SMYD4: variants seen among roughly 807,000 people sequenced by gnomAD.
The protein encoded by SMYD4 is SET and MYND domain containing 4.
SMYD4 carries 68 observed loss-of-function variants against 72.8 expected under a neutral mutation model. The ratio of observed to expected loss-of-function variants is 0.93; its 90% CI spans 0.77 to 1.14. The LOEUF (loss-of-function observed/expected upper bound fraction) is 1.14, where lower values mean the gene tolerates loss of function less well. Ranked by LOEUF, SMYD4 falls within the 50% of genes most tolerant of loss-of-function variation. SMYD4 has a pLI of 0.00. For synonymous variants in SMYD4, 407 were observed against 388.6 expected (o/e 1.05, Z -0.56); for missense variants, 984 against 1,003.7 (o/e 0.98, Z 0.27).
intron 5 of SMYD4, among the ~76,000 whole-genome samples, chr17:1,799,126 G>C (rs1337566672): frequency 1.3e-5 from 2 of 151,188 alleles, no homozygotes; most frequent in Non-Finnish European, 2.9e-5. Context: ...GGGCGTGGTG[G>C]CGGGCGCCTG....
intron 4 of SMYD4, 182 bp downstream of exon 4, chr17:1,804,444 T>G: frequency 3.9e-6 from 2 of 507,302 alleles, no homozygotes; most frequent in Non-Finnish European, 7.2e-6. Context: ...CCCAAAGTGC[T>G]GAGATTACAG....
intron 5 of SMYD4, among the ~76,000 whole-genome samples, chr17:1,795,143 T>G (rs1272620295): frequency 6.6e-6 from 1 of 152,000 alleles, no homozygotes; most frequent in Non-Finnish European, 1.5e-5. Flanking sequence ...GCTGGAGCAG[T>G]TTACACAGTA....
At chr17:1,794,041 G>GTA (rs200222211) in intron 5 of SMYD4, among the ~76,000 whole-genome samples, 5 of 31,340 alleles carry the variant, frequency 1.6e-4, no homozygotes, top group African/African-American at 2.6e-4. Context: ...ATATATGTAT[G>GTA]TATATATATA....
Position 1,800,714 on chromosome 17 carries a change from T to A in SMYD4, c.680A>T (p.Gln227Leu). 6.2e-7 allele frequency: 1 copy of A among 1,614,206 alleles called. No individual in the cohort carries two copies. The highest frequency in any genetic ancestry group is 8.5e-7 in the Non-Finnish European group (1 of 1,180,034). The part of the protein sequence containing the change: ...EDAALREENE[Q>L]LSNASSSIGL... ...GATGGATGATGAGGCATTGGAAAGT[T>A]GTTCATTCTCCTCCCTCAGCGCTGC... Residue 227 changes from glutamine to leucine, a missense_variant, in exon 5 of 11, where the codon CAA becomes CTA. Physicochemically the swap from Gln to Leu is moderately radical, Grantham distance 113. Transcript: ENST00000305513.
At chr17:1,781,592 G>A (rs963313598) in intron 10 of SMYD4, 153 bp from the exon 11 acceptor site, 10 of 791,902 alleles carry the variant, frequency 1.3e-5, no homozygotes, top group Middle Eastern at 3.2e-4. Context: ...TCACAAACAC[G>A]CTGCAAAACA....
chr17:1,785,052 G>T (rs1289352726), intron 7 of SMYD4, among the ~76,000 whole-genome samples: 4 of 149,622 alleles, frequency 2.7e-5, no homozygotes, highest in African/African-American at 7.4e-5. Context: ...CTCCCAAAGT[G>T]CTGGGATTAC....
intron 8 of SMYD4, among the ~76,000 whole-genome samples, 197 bp downstream of exon 8, chr17:1,784,129 G>C (rs1415057618): frequency 6.6e-6 from 1 of 152,206 alleles, no homozygotes; most frequent in South Asian, 2.1e-4. Context: ...GAAATCACCT[G>C]GCCCCTTTTC....
intron 4 of SMYD4, among the ~76,000 whole-genome samples, chr17:1,801,385 C>A (rs1909742967): frequency 6.6e-6 from 1 of 151,678 alleles, no homozygotes; most frequent in East Asian, 2.0e-4. Context: ...ACTACAGGTG[C>A]CCGCCACCAC....
At chr17:1,786,327 A>G (rs1396413418) in intron 7 of SMYD4, among the ~76,000 whole-genome samples, 2 of 152,192 alleles carry the variant, frequency 1.3e-5, no homozygotes. Context: ...GGTGGACAGA[A>G]AGCCCCTGGA....
intron 4 of SMYD4, among the ~76,000 whole-genome samples, chr17:1,801,389 C>T (rs1412767561): frequency 6.6e-6 from 1 of 151,784 alleles, no homozygotes; most frequent in Admixed American, 6.6e-5. Flanking sequence ...CAGGTGCCCG[C>T]CACCACACCC....
chr17:1,781,203 G>C lies in SMYD4; in HGVS notation c.*83C>G. ...CCCAAAGTGCTGGGATTACAGGCGT[G>C]AGCCACCATACCTGGCCAGCAAAAC... On this transcript the variant is annotated 3_prime_UTR_variant, in exon 11 of 11. Transcript: ENST00000305513. 6.5e-7 allele frequency: 1 copy of C among 1,529,212 alleles called. No homozygotes were observed. The allele number at this position is 1,529,212 out of a possible 1,614,324, so 94.7% of individuals were successfully genotyped here.
chr17:1,789,935 A>G (rs1043706882), intron 5 of SMYD4, among the ~76,000 whole-genome samples: 2 of 152,180 alleles, frequency 1.3e-5, no homozygotes, highest in Non-Finnish European at 1.5e-5. Context: ...TACAAATTGT[A>G]TTAAAATCTT....
At chr17:1,816,631 A>T (rs2151249604) in intron 2 of SMYD4, among the ~76,000 whole-genome samples, 1 of 151,648 alleles carries the variant, frequency 6.6e-6, no homozygotes, top group African/African-American at 2.4e-5. Flanking sequence ...AAAAAAAAAA[A>T]AATTTTTTTT....
chr17:1,805,622 G>C (rs1909990155), intron 3 of SMYD4, among the ~76,000 whole-genome samples: 2 of 151,158 alleles, frequency 1.3e-5, no homozygotes, highest in Non-Finnish European at 3.0e-5. Flanking sequence ...GACCTGCCTG[G>C]CTAACATGGC....
At chr17:1,804,193 TAG>T (rs1909919242) in intron 4 of SMYD4, among the ~76,000 whole-genome samples, 1 of 150,936 alleles carries the variant, frequency 6.6e-6, no homozygotes, top group African/African-American at 2.4e-5. Flanking sequence ...TTTTTTGAGA[TAG>T]AGTCTCACTC....
chr17:1,794,083 A>G (rs12947684), intron 5 of SMYD4, among the ~76,000 whole-genome samples: 353 of 11,084 alleles, frequency 0.032, 25 homozygotes, highest in African/African-American at 0.077. Context: ...ATATATGTGT[A>G]TATATATATA....
At chr17:1,815,623 A>C (rs1597393385) in intron 2 of SMYD4, among the ~76,000 whole-genome samples, 1 of 144,886 alleles carries the variant, frequency 6.9e-6, no homozygotes, top group Admixed American at 7.1e-5. Context: ...ACACCACTGC[A>C]CTCCAGCCCA....
At chr17:1,824,583 G>A (rs1911062881) in intron 2 of SMYD4, among the ~76,000 whole-genome samples, 1 of 151,968 alleles carries the variant, frequency 6.6e-6, no homozygotes, top group Admixed American at 6.6e-5. Flanking sequence ...TCGTGATAGT[G>A]AGTGAGTTCT....
chr17:1,801,086 A>G, intron 4 of SMYD4, 62 bp from the exon 5 acceptor site: 1 of 1,454,904 alleles, frequency 6.9e-7, no homozygotes, highest in Non-Finnish European at 9.3e-7. Flanking sequence ...GTTTACTGAA[A>G]ATGTTTCCAA....
Sources: allele counts gnomAD v4.1 joint callset (sites outside exome capture counted in the v4.1 genomes callset), GRCh38; gene constraint gnomAD v4.1.1; transcripts MANE v1.5; gene names NCBI Gene and HGNC (gene_info 2026-07-23, HGNC 2026-07-21).